CA5A: variants seen among roughly 807,000 people sequenced by gnomAD.
The protein encoded by CA5A is carbonic anhydrase 5A, mitochondrial.
In CA5A, 28 loss-of-function variants were observed where a neutral mutation model predicts 37.1. The ratio of observed to expected loss-of-function variants is 0.75; its 90% confidence interval spans 0.56 to 1.03. The LOEUF is 1.03. Ranked by LOEUF, CA5A falls within the 50% of genes least tolerant of loss-of-function variation. The pLI is 0.00. For missense variants in CA5A, 444 were observed against 399.9 expected (o/e 1.11, Z -0.94); for synonymous variants, 171 against 158.4 (o/e 1.08, Z -0.60).
intron 1 of CA5A, among the ~76,000 whole-genome samples, chr16:87,927,151 G>A (rs982234008): frequency 6.6e-6 from 1 of 152,240 alleles, no homozygotes; most frequent in Non-Finnish European, 1.5e-5. Context: ...TGCACCACTC[G>A]GGGACTTTCT....
chr16:87,915,686 C>G (rs139939566), intron 2 of CA5A, among the ~76,000 whole-genome samples: 1 of 100,940 alleles, frequency 9.9e-6, no homozygotes, highest in Non-Finnish European at 1.8e-5. Context: ...AAGATCCTGT[C>G]TCCAAAAAAA....
At chr16:87,898,837 C>T (rs554607163) in intron 5 of CA5A, among the ~76,000 whole-genome samples, 8 of 150,272 alleles carry the variant, frequency 5.3e-5, no homozygotes, top group Non-Finnish European at 7.4e-5. Context: ...TGGGTTCAAG[C>T]GATTCTCCTG....
chr16:87,925,901 C>T (rs1460174461), intron 2 of CA5A, among the ~76,000 whole-genome samples: 4 of 152,104 alleles, frequency 2.6e-5, no homozygotes, highest in Non-Finnish European at 5.9e-5. Flanking sequence ...CTCAGTCTGT[C>T]CTCACAGCAG....
chr16:87,891,650 G>T lies in CA5A; in HGVS notation c.774+149C>A, dbSNP rs1351646876. 27 of 713,192 alleles carry T rather than the reference G, an allele frequency of 3.8e-5. No homozygotes were observed. The East Asian group carries it at 8.1e-4, about 21-fold the overall frequency. 44.2% of individuals were successfully genotyped at this position (713,192 alleles called of 1,614,324 possible). A position where few individuals can be genotyped will look rare whatever the true frequency, so the allele number is the denominator to read the frequency against. On this transcript the variant is annotated intron_variant, in intron 6 of 6. Coordinates refer to ENST00000649794, the MANE Select transcript of CA5A (RefSeq NM_001739.2). ...ATCTCAACAAGCTCCTACTTCAGTT[G>T]GAATTTTCTTCTTGTGTAAGAATGC...
intron 5 of CA5A, 55 bp downstream of exon 5, chr16:87,901,857 G>C: frequency 6.7e-7 from 1 of 1,490,918 alleles, no homozygotes. Context: ...AAAGTGCTGG[G>C]ATTACAGGCG....
downstream of CA5A, chr16:87,885,712 G>A (rs549164652): frequency 6.6e-6 from 1 of 152,654 alleles, no homozygotes; most frequent in Non-Finnish European, 1.5e-5. Flanking sequence ...AACACCAGAA[G>A]GGCGCTCCTG....
chr16:87,888,316 G>C (rs1347128581), intron 6 of CA5A, 44 bp from the exon 7 acceptor site: 1 of 1,570,852 alleles, frequency 6.4e-7, no homozygotes, highest in Admixed American at 1.8e-5. Flanking sequence ...TGAGTGCAGG[G>C]TGAGCCAGCC....
At chr16:87,915,963 G>A (rs909640074) in intron 2 of CA5A, among the ~76,000 whole-genome samples, 1 of 151,994 alleles carries the variant, frequency 6.6e-6, no homozygotes, top group African/African-American at 2.4e-5. Flanking sequence ...AGTTCCACGT[G>A]GCTGGGGAGG....
intron 4 of CA5A, chr16:87,882,547 C>A (rs141752808): frequency 6.6e-6 from 1 of 152,208 alleles, no homozygotes; most frequent in Admixed American, 6.5e-5. Flanking sequence ...CCTGTCACTT[C>A]GGGAGTTTTT....
chr16:87,910,411 G>A (rs560952167), intron 2 of CA5A, among the ~76,000 whole-genome samples: 26 of 152,268 alleles, frequency 1.7e-4, no homozygotes, highest in African/African-American at 5.5e-4. Flanking sequence ...AAATTGAGAC[G>A]CAGAGAGGTT....
rs1168630676 is a variant in CA5A, at chr16:87,926,779, C to T, written c.309G>A (p.Gln103=). ...CCTCGGTGGCATCGTCAAATTCCAC[C>T]TGGAAGAGGTAGCCAGTGTTCCAGA... ...LYIWNTGYLF[Q]VEFDDATEAS... The change falls in exon 2 of 7, where the codon CAG becomes CAA. Residue 103 remains glutamine, a synonymous_variant. Coordinates refer to ENST00000649794, the MANE Select transcript of CA5A (RefSeq NM_001739.2). The T allele has an allele frequency of 6.2e-7, 1 of 1,614,092 alleles. No individual in the cohort carries two copies. Among genetic ancestry groups the T allele is most frequent in the South Asian group, 1.1e-5 (1 of 91,070 alleles).
intron 2 of CA5A, among the ~76,000 whole-genome samples, chr16:87,924,605 G>A (rs887594384): frequency 6.6e-6 from 1 of 152,242 alleles, no homozygotes; most frequent in African/African-American, 2.4e-5. Context: ...CTAGGCATAT[G>A]CAGATTTAAG....
At position 87,924,726 on chromosome 16, in the gene CA5A, G is replaced by T. The variant is rs1279373641; in HGVS notation, c.340+2022C>A. ...CGGTGAGCATGTTTAGTGTAAGGAA[G>T]GTGAATGCTGCCTCCGCATGCACAG... On this transcript the variant is annotated intron_variant, in intron 2 of 6. Transcript: ENST00000649794. Among the ~76,000 whole-genome samples the T allele has an allele frequency of 3.9e-5, 6 of 152,262 alleles. No individual in the cohort carries two copies. The South Asian group carries it at 1.2e-3, about 31-fold the overall frequency.
intron 5 of CA5A, chr16:87,893,867 G>A: frequency 4.1e-6 from 1 of 244,430 alleles, no homozygotes. Context: ...CTAATTCCTG[G>A]GCTCAAGCGA....
At chr16:87,935,947 C>T (rs1208162256) in intron 1 of CA5A, among the ~76,000 whole-genome samples, 3 of 151,852 alleles carry the variant, frequency 2.0e-5, no homozygotes, top group South Asian at 2.1e-4. Context: ...CTGAGACAGG[C>T]GGATCGCGAG....
chr16:87,922,434 C>A (rs2056243651), intron 2 of CA5A, among the ~76,000 whole-genome samples: 1 of 152,236 alleles, frequency 6.6e-6, no homozygotes, highest in Non-Finnish European at 1.5e-5. Flanking sequence ...AAGCCTGAGC[C>A]TGGGTTCCCT....
intron 6 of CA5A, among the ~76,000 whole-genome samples, chr16:87,889,261 G>A (rs1415253669): frequency 1.3e-5 from 2 of 151,912 alleles, no homozygotes; most frequent in East Asian, 3.9e-4. Flanking sequence ...CACCATGTTG[G>A]TCAGGCTGGT....
intron 1 of CA5A, among the ~76,000 whole-genome samples, chr16:87,932,721 G>GGC (rs1263061047): frequency 1.3e-5 from 2 of 151,974 alleles, no homozygotes; most frequent in African/African-American, 4.8e-5. Context: ...CAGGAGGCCA[G>GGC]TATTTGCCCC....
At chr16:87,908,387 G>C (rs560924942) in intron 2 of CA5A, among the ~76,000 whole-genome samples, 5 of 152,174 alleles carry the variant, frequency 3.3e-5, no homozygotes, top group Non-Finnish European at 5.9e-5. Flanking sequence ...GGTGGTGATT[G>C]CGCATCGCAC....
Sources: allele counts gnomAD v4.1 joint callset (sites outside exome capture counted in the v4.1 genomes callset), GRCh38; gene constraint gnomAD v4.1.1; transcripts MANE v1.5; gene names NCBI Gene and HGNC (gene_info 2026-07-23, HGNC 2026-07-21).